Variants in TLK1 observed in about 807,000 individuals in gnomAD.
TLK1 encodes tousled like kinase 1.
TLK1 carries 24 observed loss-of-function variants against 105.3 expected under a neutral mutation model. The ratio of observed to expected loss-of-function variants is 0.23; its 90% CI spans 0.17 to 0.32. The LOEUF is 0.32. Among genes scored for constraint, TLK1 ranks in the 10% least tolerant of loss-of-function variants. The pLI is 1.00. For synonymous variants in TLK1, 321 were observed against 310.4 expected, an observed-to-expected ratio of 1.03 and a Z score of -0.36; for missense variants, 558 against 910.5, an observed-to-expected ratio of 0.61 and a Z score of 4.98.
chr2:171,230,458 G>GCC (rs554841415), intron 1 of TLK1, among the ~76,000 whole-genome samples: 4 of 152,044 alleles, frequency 2.6e-5, no homozygotes, highest in Non-Finnish European at 4.4e-5. Context: ...CAGTTTGAAG[G>GCC]CCCCTATAGA....
At chr2:171,198,423 T>C (rs913630134) in intron 1 of TLK1, among the ~76,000 whole-genome samples, 14 of 152,326 alleles carry the variant, frequency 9.2e-5, no homozygotes, top group African/African-American at 3.1e-4. Context: ...TGTAAAATAT[T>C]TGCGTCTTAT....
At chr2:171,189,740 T>A (rs1392024080) in intron 1 of TLK1, among the ~76,000 whole-genome samples, 2 of 152,198 alleles carry the variant, frequency 1.3e-5, no homozygotes, top group Non-Finnish European at 2.9e-5. Flanking sequence ...GCTGGGCGCC[T>A]TCCATCTTTC....
intron 3 of TLK1, among the ~76,000 whole-genome samples, chr2:171,062,933 A>G (rs1026539899): frequency 2.6e-5 from 4 of 152,248 alleles, no homozygotes. Flanking sequence ...AATTTTGGGT[A>G]GGTAGTTTAC....
chr2:171,213,957 C>T (rs1237844448), intron 1 of TLK1, among the ~76,000 whole-genome samples: 6 of 151,180 alleles, frequency 4.0e-5, no homozygotes, highest in Non-Finnish European at 5.9e-5. Flanking sequence ...AAACTCCAGC[C>T]ATATCTTTCT....
intron 1 of TLK1, among the ~76,000 whole-genome samples, chr2:171,140,475 G>C (rs544143781): frequency 1.8e-4 from 27 of 152,186 alleles, no homozygotes; most frequent in Non-Finnish European, 3.8e-4. Flanking sequence ...GGAAAGCTAA[G>C]CAAAACATCT....
At chr2:171,194,116 C>A (rs896093501) in intron 1 of TLK1, among the ~76,000 whole-genome samples, 1 of 152,162 alleles carries the variant, frequency 6.6e-6, no homozygotes, top group African/African-American at 2.4e-5. Flanking sequence ...CACACCAGTA[C>A]ATGAAGGGCA....
chr2:171,164,842 T>C (rs1011677417), upstream of TLK1, among the ~76,000 whole-genome samples: 9 of 152,194 alleles, frequency 5.9e-5, no homozygotes, highest in Admixed American at 5.9e-4. Context: ...AGATCAAGAC[T>C]GGGCACGGTG....
rs1468511710 is a variant in TLK1 at position 171,220,061 on chromosome 2, C to G, written c.-6+11084G>C. Among the ~76,000 whole-genome samples the G allele has an allele frequency of 4.6e-5, 7 of 152,276 alleles. No individual in the cohort carries two copies. The Middle Eastern group carries it at 0.014, about 296-fold the overall frequency. Reference sequence around the variant, plus strand: ...ACACAAACATTCTGTCCATTGTACTCTTTTTGAAAGACTCTGATTGCATTT... The same window carrying G: ...ACACAAACATTCTGTCCATTGTACTGTTTTTGAAAGACTCTGATTGCATTT... On this transcript the variant is annotated intron_variant, in intron 1 of 20. Coordinates refer to the TLK1 transcript ENST00000521943.
intron 1 of TLK1, among the ~76,000 whole-genome samples, chr2:171,123,058 AC>A (rs1374777811): frequency 1.5e-4 from 5 of 34,388 alleles, no homozygotes; most frequent in African/African-American, 3.4e-4. Flanking sequence ...ATAAATAAAT[AC>A]ACACACACAC....
At chr2:171,104,208 A>G (rs538573003) in intron 2 of TLK1, among the ~76,000 whole-genome samples, 3 of 151,722 alleles carry the variant, frequency 2.0e-5, no homozygotes, top group Admixed American at 2.0e-4. Flanking sequence ...CCTGGGAGGC[A>G]GAGGTTGCAG....
intron 18 of TLK1, among the ~76,000 whole-genome samples, chr2:170,999,709 T>C (rs1223788208): frequency 4.6e-5 from 7 of 152,182 alleles, no homozygotes; most frequent in African/African-American, 7.2e-5. Context: ...CCTTGAACAA[T>C]ATAGGGGTTG....
intron 20 of TLK1, 74 bp from the exon 21 acceptor site, chr2:170,994,030 G>C: frequency 6.9e-7 from 1 of 1,456,536 alleles, no homozygotes; most frequent in Non-Finnish European, 9.2e-7. Flanking sequence ...TGAATCAGCA[G>C]AAGGATGGAC....
intron 12 of TLK1, among the ~76,000 whole-genome samples, chr2:171,026,909 G>A (rs571262423): frequency 1.3e-5 from 2 of 152,054 alleles, no homozygotes; most frequent in South Asian, 2.1e-4. Context: ...AGGAAAAGTA[G>A]TCAATAATTA....
intron 1 of TLK1, among the ~76,000 whole-genome samples, chr2:171,138,904 T>G (rs1691455215): frequency 2.0e-5 from 3 of 152,232 alleles, no homozygotes; most frequent in Admixed American, 2.0e-4. Context: ...TTCATATTTT[T>G]TTACTAAATA....
At chr2:171,019,850 G>A (rs1685402782) in intron 12 of TLK1, among the ~76,000 whole-genome samples, 2 of 152,080 alleles carry the variant, frequency 1.3e-5, no homozygotes, top group African/African-American at 4.8e-5. Flanking sequence ...CTGAGGTCAG[G>A]AGTTCGAGAC....
intron 11 of TLK1, among the ~76,000 whole-genome samples, chr2:171,044,438 A>G (rs777121798): frequency 1.8e-4 from 28 of 152,186 alleles, no homozygotes; most frequent in Non-Finnish European, 3.5e-4. Flanking sequence ...ACAAGGTTTT[A>G]TTTGTTTTTA....
chr2:171,021,876 G>C (rs1685526709), intron 12 of TLK1, among the ~76,000 whole-genome samples: 1 of 151,880 alleles, frequency 6.6e-6, no homozygotes. Context: ...GAGGTGGGTG[G>C]ATCACAAGGT....
intron 10 of TLK1, among the ~76,000 whole-genome samples, chr2:171,048,073 C>T (rs1305544051): frequency 2.0e-5 from 3 of 152,136 alleles, no homozygotes; most frequent in Non-Finnish European, 2.9e-5. Flanking sequence ...CTCAGCCTCC[C>T]GAGTAGCTGG....
chr2:171,044,467 A>G (rs1427799173), intron 11 of TLK1, among the ~76,000 whole-genome samples: 1 of 152,182 alleles, frequency 6.6e-6, no homozygotes, highest in Admixed American at 6.5e-5. Flanking sequence ...AGTTTTGAAC[A>G]GGCTGCATTA....
Sources: gnomAD v4.1 joint callset for allele counts (sites outside exome capture counted in the v4.1 genomes callset) on GRCh38, gnomAD v4.1.1 for gene constraint, MANE v1.5 for transcripts, NCBI Gene and HGNC (gene_info 2026-07-23, HGNC 2026-07-21) for gene names.